Variants in OSBPL10 observed in about 807,000 individuals in gnomAD.
OSBPL10 encodes oxysterol-binding protein-related protein 10.
A neutral mutation model predicts 81.7 loss-of-function variants in OSBPL10; 49 were observed. The ratio of observed to expected loss-of-function variants is 0.60; its 90% CI spans 0.48 to 0.76. The LOEUF (loss-of-function observed/expected upper bound fraction) is 0.76, where lower values mean the gene tolerates loss of function less well. Ranked by LOEUF, OSBPL10 falls within the 30% of genes least tolerant of loss-of-function variation. The pLI, the probability that OSBPL10 is intolerant of heterozygous loss-of-function variation, is 0.00. For synonymous variants in OSBPL10, 419 were observed against 383.6 expected, an observed-to-expected ratio of 1.09 and a Z score of -1.08; for missense variants, 923 against 987.8, an observed-to-expected ratio of 0.93 and a Z score of 0.88.
chr3:31,820,063 C>T (rs1699941247), intron 4 of OSBPL10, among the ~76,000 whole-genome samples: 1 of 152,146 alleles, frequency 6.6e-6, no homozygotes, highest in African/African-American at 2.4e-5. Context: ...TGAACCCTAG[C>T]TAGTACACCT....
intron 4 of OSBPL10, among the ~76,000 whole-genome samples, chr3:31,828,102 C>T (rs1418040946): frequency 6.6e-6 from 1 of 152,010 alleles, no homozygotes; most frequent in Admixed American, 6.6e-5. Flanking sequence ...ATACCATAAA[C>T]TTTCAACTGC....
chr3:32,028,943 C>CACACACAT (rs1312827208), intron 2 of OSBPL10, among the ~76,000 whole-genome samples: 1 of 141,776 alleles, frequency 7.1e-6, no homozygotes, highest in Non-Finnish European at 1.5e-5. Flanking sequence ...CACACACACA[C>CACACACAT]ACACACACAC....
chr3:32,032,881 T>C (rs971249295), intron 2 of OSBPL10, among the ~76,000 whole-genome samples: 3 of 152,218 alleles, frequency 2.0e-5, no homozygotes, highest in African/African-American at 7.2e-5. Context: ...TATGGAATTT[T>C]ATAAAATAAG....
intron 7 of OSBPL10, among the ~76,000 whole-genome samples, chr3:31,702,085 A>T (rs1418591924): frequency 6.6e-6 from 1 of 152,116 alleles, no homozygotes; most frequent in Non-Finnish European, 1.5e-5. Flanking sequence ...ACCATCTCAT[A>T]TGCTTTTTCT....
At chr3:31,662,607 A>G (rs1212605349) in intron 11 of OSBPL10, 3 of 995,230 alleles carry the variant, frequency 3.0e-6, no homozygotes, top group Non-Finnish European at 3.6e-6. Flanking sequence ...AAAGGCAAGA[A>G]TTAAAATGGT....
Position 31,725,381 on chromosome 3 carries a change from GA to G in OSBPL10, c.1095+7875del, listed in dbSNP as rs200465317. On this transcript the variant is annotated intron_variant, in intron 6 of 11. Coordinates refer to ENST00000396556, the MANE Select transcript of OSBPL10 (RefSeq NM_017784.5). ...TATCTTCTACATTTGCCTAAAGGAT[GA>G]ACTACTTTCCCCCCAGACCAACAAC... is the stretch of plus-strand genomic sequence containing the variant. 6.3e-3 allele frequency among the ~76,000 whole-genome samples: 961 copies of G among 152,232 alleles called. 15 individuals are homozygous for G. Among genetic ancestry groups the G allele is most frequent in the African/African-American group, 0.012 (493 of 41,534 alleles).
At chr3:31,690,281 G>A (rs1239472469) in intron 7 of OSBPL10, among the ~76,000 whole-genome samples, 2 of 152,064 alleles carry the variant, frequency 1.3e-5, no homozygotes, top group Non-Finnish European at 2.9e-5. Flanking sequence ...TCTTTCTCCT[G>A]CTCTGGCCAT....
rs1002828797 is a variant in OSBPL10, at chr3:31,709,098, C to T, written c.1096-6590G>A. 14 of 928,040 alleles carry T rather than the reference C, an allele frequency of 1.5e-5. No homozygotes were observed. In the African/African-American group the frequency reaches 2.0e-4, roughly 13 times the overall value. 57.5% of individuals were successfully genotyped at this position (928,040 alleles called of 1,614,324 possible). On this transcript the variant is annotated intron_variant, in intron 6 of 11. Coordinates refer to ENST00000396556, the MANE Select transcript of OSBPL10 (RefSeq NM_017784.5). ...CAACGAGGCCACTGTGAGGGGAACC[C>T]GATGGAGAAGCTGGATCTTATCCTT...
chr3:31,797,845 T>C (rs571151817), intron 4 of OSBPL10: 3 of 454,692 alleles, frequency 6.6e-6, no homozygotes, highest in African/African-American at 2.0e-5. Context: ...CCTTCACCTA[T>C]AAAAATGGGG....
intron 4 of OSBPL10, among the ~76,000 whole-genome samples, chr3:31,793,737 A>AT (rs1699095959): frequency 6.6e-6 from 1 of 152,254 alleles, no homozygotes; most frequent in Non-Finnish European, 1.5e-5. Context: ...AATAGTGTGA[A>AT]TTTTTTAAAA....
intron 4 of OSBPL10, among the ~76,000 whole-genome samples, chr3:31,810,106 G>C (rs1699640633): frequency 6.6e-6 from 1 of 151,820 alleles, no homozygotes; most frequent in African/African-American, 2.4e-5. Flanking sequence ...CCTGACCTTA[G>C]GTGATCCACC....
chr3:31,730,861 A>T (rs928102038), intron 6 of OSBPL10, among the ~76,000 whole-genome samples: 3 of 152,240 alleles, frequency 2.0e-5, no homozygotes, highest in African/African-American at 7.2e-5. Context: ...AGAAGACAAT[A>T]GTTAATTTAG....
intron 1 of OSBPL10, among the ~76,000 whole-genome samples, chr3:32,073,488 G>A (rs543541787): frequency 6.6e-6 from 1 of 152,210 alleles, no homozygotes; most frequent in East Asian, 1.9e-4. Context: ...CAGACAGCCT[G>A]ATATCTTCTC....
intron 3 of OSBPL10, among the ~76,000 whole-genome samples, chr3:31,872,623 T>A (rs1701359244): frequency 1.3e-5 from 1 of 77,152 alleles, no homozygotes; most frequent in South Asian, 2.8e-4. Context: ...ATTCAAAAGC[T>A]TTTTTTTTTT....
At position 31,868,630 on chromosome 3, in the gene OSBPL10, C is replaced by T. The variant is rs570096827; in HGVS notation, c.537+7803G>A. On this transcript the variant is annotated intron_variant, in intron 3 of 11. Coordinates refer to ENST00000396556, the MANE Select transcript of OSBPL10 (RefSeq NM_017784.5). ...TCATCTCCACAAATGAATCCACTTT[C>T]CATGTCCAGAAAAAAAAAATCCAAA... 8.5e-5 allele frequency among the ~76,000 whole-genome samples: 13 copies of T among 152,172 alleles called. No individual in the cohort carries two copies. In the East Asian group the frequency reaches 1.5e-3, roughly 18 times the overall value.
intron 3 of OSBPL10, among the ~76,000 whole-genome samples, chr3:31,834,610 A>G (rs1700324244): frequency 6.6e-6 from 1 of 152,232 alleles, no homozygotes; most frequent in Non-Finnish European, 1.5e-5. Flanking sequence ...AAGACAAAAC[A>G]CACATATGCT....
At chr3:31,915,847 A>G (rs1014748466) in intron 1 of OSBPL10, among the ~76,000 whole-genome samples, 2 of 152,132 alleles carry the variant, frequency 1.3e-5, no homozygotes, top group African/African-American at 4.8e-5. Context: ...TAATCCCAGC[A>G]CTTTGGGAGG....
At chr3:31,706,014 A>C (rs1459852945) in intron 6 of OSBPL10, among the ~76,000 whole-genome samples, 1 of 152,234 alleles carries the variant, frequency 6.6e-6, no homozygotes, top group East Asian at 1.9e-4. Context: ...TGGAATTAAA[A>C]TATGTTTTAA....
chr3:31,702,822 T>G (rs1695941300), intron 6 of OSBPL10, among the ~76,000 whole-genome samples: 1 of 152,236 alleles, frequency 6.6e-6, no homozygotes, highest in Non-Finnish European at 1.5e-5. Context: ...CCCTTCATTT[T>G]GCCTATTAGC....
Sources: gnomAD v4.1 joint callset for allele counts (sites outside exome capture counted in the v4.1 genomes callset) on GRCh38, gnomAD v4.1.1 for gene constraint, MANE v1.5 for transcripts, NCBI Gene and HGNC (gene_info 2026-07-23, HGNC 2026-07-21) for gene names.